Variants in USP10 observed in about 807,000 individuals in gnomAD.
USP10 encodes the protein ubiquitin carboxyl-terminal hydrolase 10.
Under a neutral mutation model 84.5 loss-of-function variants are expected in USP10, and 22 were observed. The ratio of observed to expected loss-of-function variants is 0.26; its 90% CI spans 0.19 to 0.37. The LOEUF (loss-of-function observed/expected upper bound fraction) is 0.37, where lower values mean the gene tolerates loss of function less well. USP10 is among the 10% of genes least tolerant of loss of function. USP10 has a pLI of 1.00. For missense variants in USP10, 1,019 were observed against 998.9 expected (o/e 1.02, Z -0.27); for synonymous variants, 454 against 387.6 (o/e 1.17, Z -2.01).
intron 1 of USP10, among the ~76,000 whole-genome samples, chr16:84,728,500 C>T (rs374227178): frequency 1.1e-4 from 17 of 151,854 alleles, no homozygotes; most frequent in Non-Finnish European, 1.8e-4. Flanking sequence ...CCACCACGCC[C>T]GGCTAATTTT....
At position 84,700,078 on chromosome 16, in the gene USP10, G is replaced by T. The variant is rs1031477191; in HGVS notation, c.-13G>T. 16 of 1,374,676 alleles carry T rather than the reference G, an allele frequency of 1.2e-5. No individual in the cohort carries two copies. Among genetic ancestry groups the T allele is most frequent in the Non-Finnish European group, 1.5e-5 (16 of 1,044,266 alleles). 85.2% of individuals were successfully genotyped at this position (1,374,676 alleles called of 1,614,324 possible). A position where few individuals can be genotyped will look rare whatever the true frequency, so the allele number is the denominator to read the frequency against. On this transcript the variant is annotated 5_prime_UTR_variant, in exon 1 of 14. It removes an upstream start codon present in the reference 5' UTR. Coordinates refer to ENST00000219473, the MANE Select transcript of USP10 (RefSeq NM_005153.3). ...AGCCGGAGGATCGCGGAGTCCCAAT[G>T]AAACGGGCAGCCATGGCCCTCCACA...
intron 1 of USP10, 104 bp from the exon 2 acceptor site, chr16:84,733,331 A>C: frequency 1.2e-6 from 1 of 862,224 alleles, no homozygotes; most frequent in Non-Finnish European, 1.9e-6. Flanking sequence ...CTTGGGGGTT[A>C]TGGCCCAAAT....
At chr16:84,712,553 T>C (rs970603921) in intron 1 of USP10, among the ~76,000 whole-genome samples, 13 of 152,164 alleles carry the variant, frequency 8.5e-5, no homozygotes, top group Non-Finnish European at 1.5e-4. Context: ...CTTATGGTTG[T>C]TTTTGGTGTT....
At chr16:84,732,467 G>A (rs1038218496) in intron 1 of USP10, 54 of 384,630 alleles carry the variant, frequency 1.4e-4, no homozygotes, top group African/African-American at 1.1e-3. Flanking sequence ...TTCTTTTTGA[G>A]ATGGAGTCTG....
intron 2 of USP10, among the ~76,000 whole-genome samples, chr16:84,736,696 C>T (rs1909975637): frequency 6.6e-6 from 1 of 152,092 alleles, no homozygotes; most frequent in African/African-American, 2.4e-5. Context: ...GTCAATAAGC[C>T]CCCGATGACA....
At chr16:84,733,679 G>T (rs967175272) in intron 2 of USP10, among the ~76,000 whole-genome samples, 176 bp downstream of exon 2, 1 of 152,074 alleles carries the variant, frequency 6.6e-6, no homozygotes, top group East Asian at 1.9e-4. Flanking sequence ...TTGACATTTT[G>T]CTGTATTTAC....
intron 1 of USP10, among the ~76,000 whole-genome samples, chr16:84,719,947 A>G (rs917778192): frequency 2.0e-5 from 3 of 152,326 alleles, no homozygotes; most frequent in South Asian, 2.1e-4. Context: ...TATTTTCAAC[A>G]GATAGTAATT....
chr16:84,767,966 G>C (rs1484262288), intron 10 of USP10, among the ~76,000 whole-genome samples: 1 of 152,078 alleles, frequency 6.6e-6, no homozygotes, highest in Non-Finnish European at 1.5e-5. Flanking sequence ...TGAGATCAGG[G>C]ATTGGTGATG....
At chr16:84,763,686 T>G (rs975575448) in intron 9 of USP10, among the ~76,000 whole-genome samples, 6 of 152,246 alleles carry the variant, frequency 3.9e-5, no homozygotes, top group Admixed American at 3.9e-4. Context: ...GGTGCACCTG[T>G]TGCGATTGGT....
chr16:84,763,968 C>G (rs954589110), intron 9 of USP10, 118 bp from the exon 10 acceptor site: 2 of 1,304,644 alleles, frequency 1.5e-6, no homozygotes, highest in African/African-American at 3.0e-5. Flanking sequence ...TGCCGTGGCT[C>G]CTAATGTAGA....
chr16:84,776,053 T>C (rs542167978), intron 13 of USP10, among the ~76,000 whole-genome samples: 2 of 152,352 alleles, frequency 1.3e-5, no homozygotes, highest in African/African-American at 2.4e-5. Context: ...CTGCCATTTA[T>C]TGACCTTCAC....
rs368992379 is a variant in USP10, at chr16:84,710,829, G to C, written c.21+10718G>C. Among the ~76,000 whole-genome samples the C allele has an allele frequency of 7.2e-5, 11 of 152,282 alleles. 1 individual carries two copies. Among genetic ancestry groups the C allele is most frequent in the Admixed American group, 5.9e-4 (9 of 15,306 alleles). ...AAGGATCCCTGTGAGCAGGTCCCCA[G>C]GCCGTCTGAGCCAGGCTCAGGTTGC... On this transcript the variant is annotated intron_variant, in intron 1 of 13. Transcript: ENST00000219473.
At chr16:84,712,204 T>G (rs890540263) in intron 1 of USP10, among the ~76,000 whole-genome samples, 6 of 152,220 alleles carry the variant, frequency 3.9e-5, no homozygotes, top group Non-Finnish European at 8.8e-5. Context: ...ACTTTGATTC[T>G]GTAGATGCCC....
At chr16:84,721,109 C>G (rs893150727) in intron 1 of USP10, among the ~76,000 whole-genome samples, 42 of 152,002 alleles carry the variant, frequency 2.8e-4, no homozygotes, top group African/African-American at 9.7e-4. Context: ...CCAGGCTGGT[C>G]TTGAACTCCT....
At position 84,744,918 on chromosome 16, in the gene USP10, A is replaced by G. The variant is rs1395997197; in HGVS notation, c.437A>G (p.Gln146Arg). 1.2e-6 allele frequency: 2 copies of G among 1,613,664 alleles called. No individual in the cohort carries two copies. Among genetic ancestry groups the G allele is most frequent in the African/African-American group, 2.7e-5 (2 of 74,906 alleles). ...ENDGVSGGLG[Q>R]RERKKKKKRP... ...GATGGTGTCTCAGGTGGTCTTGGAC[A>G]AAGGGAGCGTAAAAAGAAGAAAAAG... The change falls in exon 4 of 14, where the codon CAA becomes CGA. Residue 146 changes from glutamine (Q) to arginine (R), a missense_variant. Transcript: ENST00000219473.
chr16:84,740,225 A>G, intron 2 of USP10, 84 bp from the exon 3 acceptor site: 1 of 1,263,074 alleles, frequency 7.9e-7, no homozygotes, highest in Non-Finnish European at 1.1e-6. Context: ...TAAGAGTTTT[A>G]ATGAATTGTT....
intron 1 of USP10, among the ~76,000 whole-genome samples, chr16:84,710,622 T>C (rs1027208624): frequency 6.6e-6 from 1 of 152,204 alleles, no homozygotes; most frequent in Non-Finnish European, 1.5e-5. Flanking sequence ...GTAGAAAATA[T>C]TAAGGAAAAC....
chr16:84,774,366 A>G (rs536852162), intron 12 of USP10, among the ~76,000 whole-genome samples: 3 of 152,194 alleles, frequency 2.0e-5, no homozygotes, highest in Non-Finnish European at 4.4e-5. Flanking sequence ...TGTAAGTGGT[A>G]CTTCTGCGCA....
At chr16:84,726,449 G>A (rs940433988) in intron 1 of USP10, among the ~76,000 whole-genome samples, 4 of 152,140 alleles carry the variant, frequency 2.6e-5, no homozygotes, top group Non-Finnish European at 4.4e-5. Flanking sequence ...CTAAACCTTT[G>A]CCCAGGGTTT....
Sources: allele counts gnomAD v4.1 joint callset (sites outside exome capture counted in the v4.1 genomes callset), GRCh38; gene constraint gnomAD v4.1.1; transcripts MANE v1.5; gene names NCBI Gene and HGNC (gene_info 2026-07-23, HGNC 2026-07-21).